Variants in SLC24A4 observed in about 807,000 individuals in gnomAD.
The protein encoded by SLC24A4 is solute carrier family 24 member 4.
SLC24A4 carries 53 observed loss-of-function variants against 79.0 expected under a neutral mutation model. That is an observed-to-expected ratio of 0.67 (90% confidence interval 0.54 to 0.84). The LOEUF (loss-of-function observed/expected upper bound fraction) is 0.84. Ranked by LOEUF, SLC24A4 falls within the 40% of genes least tolerant of loss-of-function variation. The pLI, the probability that SLC24A4 is intolerant of heterozygous loss-of-function variation, is 0.00. For synonymous variants in SLC24A4, 323 were observed against 323.8 expected (o/e 1.00, Z 0.03); for missense variants, 731 against 822.0 (o/e 0.89, Z 1.35).
chr14:92,456,291 T>C, intron 11 of SLC24A4, 113 bp from the exon 12 acceptor site: 1 of 994,142 alleles, frequency 1.0e-6, no homozygotes. Context: ...GTCCCCAGGG[T>C]TGTTGTTCTA....
At chr14:92,359,762 C>A (rs1229118273) in intron 2 of SLC24A4, among the ~76,000 whole-genome samples, 1 of 152,254 alleles carries the variant, frequency 6.6e-6, no homozygotes, top group Non-Finnish European at 1.5e-5. Flanking sequence ...AGGCATCCTG[C>A]AAATCACACC....
chr14:92,423,091 G>A (rs943800388), intron 2 of SLC24A4, among the ~76,000 whole-genome samples: 2 of 152,080 alleles, frequency 1.3e-5, no homozygotes, highest in African/African-American at 4.8e-5. Context: ...GCTTACAGGT[G>A]TGAGCTGCCG....
At chr14:92,426,054 A>G (rs765722590) in intron 2 of SLC24A4, among the ~76,000 whole-genome samples, 1 of 152,178 alleles carries the variant, frequency 6.6e-6, no homozygotes, top group Non-Finnish European at 1.5e-5. Flanking sequence ...GTGAGGTGGG[A>G]CAGGATCTTC....
rs1295119604 is a variant in SLC24A4, at chr14:92,486,660, C to T, written c.1423-6C>T. 6.3e-7 allele frequency: 1 copy of T among 1,595,806 alleles called. No homozygotes were observed. Among genetic ancestry groups the T allele is most frequent in the Non-Finnish European group, 8.6e-7 (1 of 1,163,516 alleles). On this transcript the variant is annotated splice_region_variant and splice_polypyrimidine_tract_variant and intron_variant, in intron 13 of 16. Transcript: ENST00000532405. The stretch of plus-strand genomic sequence containing the variant: ...AGAGTTCATGTCTCCACCCCACATT[C>T]TGCAGGTGACTATTATCGGATACAC...
At chr14:92,362,542 A>C (rs962058320) in intron 2 of SLC24A4, among the ~76,000 whole-genome samples, 1 of 152,210 alleles carries the variant, frequency 6.6e-6, no homozygotes, top group Non-Finnish European at 1.5e-5. Context: ...TCTGCTTGGC[A>C]GCTGACACAG....
At chr14:92,335,719 G>A (rs910008565) in intron 2 of SLC24A4, among the ~76,000 whole-genome samples, 13 of 152,132 alleles carry the variant, frequency 8.5e-5, no homozygotes, top group Non-Finnish European at 1.5e-4. Context: ...TTATGGTATC[G>A]TACAGAATAG....
chr14:92,359,498 C>A (rs1887375661), intron 2 of SLC24A4, among the ~76,000 whole-genome samples: 1 of 152,010 alleles, frequency 6.6e-6, no homozygotes, highest in Admixed American at 6.6e-5. Flanking sequence ...ACTCGGGAGG[C>A]TGAGGCAGGA....
At chr14:92,391,399 T>C (rs1344957239) in intron 2 of SLC24A4, among the ~76,000 whole-genome samples, 3 of 152,198 alleles carry the variant, frequency 2.0e-5, no homozygotes, top group African/African-American at 4.8e-5. Context: ...GTTACCACGC[T>C]AAACACTGGG....
At chr14:92,491,907 G>C (rs796381109) in intron 15 of SLC24A4, 130 bp downstream of exon 15, 4 of 743,168 alleles carry the variant, frequency 5.4e-6, no homozygotes, top group East Asian at 2.7e-5. Flanking sequence ...TTTCCATGGC[G>C]GCTTCTAGAG....
intron 2 of SLC24A4, among the ~76,000 whole-genome samples, chr14:92,335,952 G>A (rs189733986): frequency 1.1e-4 from 16 of 152,322 alleles, no homozygotes; most frequent in Admixed American, 3.3e-4. Context: ...TATGTGGGCC[G>A]TGCTTCTTGG....
At chr14:92,339,790 G>A (rs1215585016) in intron 2 of SLC24A4, among the ~76,000 whole-genome samples, 2 of 152,252 alleles carry the variant, frequency 1.3e-5, no homozygotes, top group South Asian at 2.1e-4. Context: ...TGCTGGCAAC[G>A]TGGAGAGTAA....
At chr14:92,344,469 A>G (rs936015514) in intron 2 of SLC24A4, among the ~76,000 whole-genome samples, 2 of 152,204 alleles carry the variant, frequency 1.3e-5, no homozygotes, top group Admixed American at 6.5e-5. Context: ...GGGGACATTT[A>G]AAAGGGAGTT....
At chr14:92,453,666 T>C (rs1316850022) in intron 10 of SLC24A4, 1 of 478,880 alleles carries the variant, frequency 2.1e-6, no homozygotes, top group African/African-American at 2.0e-5. Flanking sequence ...CGAGTGGTCC[T>C]GGAGCAAGGG....
chr14:92,378,449 C>T (rs1888643672), intron 2 of SLC24A4, among the ~76,000 whole-genome samples: 1 of 152,172 alleles, frequency 6.6e-6, no homozygotes, highest in Non-Finnish European at 1.5e-5. Flanking sequence ...CTGTTGTTGT[C>T]TCTTGTGGTT....
At position 92,429,358 on chromosome 14, in the gene SLC24A4, G is replaced by T. The variant is rs551007293; in HGVS notation, c.242-4554G>T. ...TTCAAACCACGAAGAATGAGTTTTAGTGTATGTGAGATAGATAAGTATGTG... is the reference window on the plus strand; with the variant it reads ...TTCAAACCACGAAGAATGAGTTTTATTGTATGTGAGATAGATAAGTATGTG... On this transcript the variant is annotated intron_variant, in intron 2 of 16. Transcript: ENST00000532405. Among the ~76,000 whole-genome samples the T allele has an allele frequency of 8.7e-5, 13 of 149,290 alleles. No homozygotes were observed. The South Asian group carries it at 2.8e-3, about 32-fold the overall frequency.
At chr14:92,416,123 G>T (rs999049926) in intron 2 of SLC24A4, among the ~76,000 whole-genome samples, 1 of 41,140 alleles carries the variant, frequency 2.4e-5, no homozygotes, top group African/African-American at 9.4e-5. Flanking sequence ...TGTGTGTGTG[G>T]TGTGTGTGTG....
chr14:92,346,142 G>A (rs1227646657), intron 2 of SLC24A4, among the ~76,000 whole-genome samples: 2 of 152,186 alleles, frequency 1.3e-5, no homozygotes, highest in Non-Finnish European at 2.9e-5. Context: ...GAACAGCAAG[G>A]AGGCTGGTGT....
intron 16 of SLC24A4, among the ~76,000 whole-genome samples, 196 bp from the exon 17 acceptor site, chr14:92,493,280 G>A (rs1475049698): frequency 6.6e-6 from 1 of 152,142 alleles, no homozygotes; most frequent in Non-Finnish European, 1.5e-5. Context: ...ACAGAGACTC[G>A]CCCTTTCATG....
chr14:92,483,910 C>T (rs1895213213), intron 13 of SLC24A4: 2 of 1,276,350 alleles, frequency 1.6e-6, no homozygotes, highest in East Asian at 5.6e-5. Flanking sequence ...AGTAAACGTT[C>T]CATGCTGGCC....
Sources: allele counts gnomAD v4.1 joint callset (sites outside exome capture counted in the v4.1 genomes callset), GRCh38; gene constraint gnomAD v4.1.1; transcripts MANE v1.5; gene names NCBI Gene and HGNC (gene_info 2026-07-23, HGNC 2026-07-21).